Variants in DDX1 observed in about 807,000 individuals in gnomAD.
DDX1 encodes the protein DEAD-box helicase 1, also known as ATP-dependent RNA helicase DDX1.
In DDX1, 28 loss-of-function variants were observed where a neutral mutation model predicts 108.7. The ratio of observed to expected loss-of-function variants is 0.26; its 90% CI spans 0.19 to 0.35. The LOEUF (loss-of-function observed/expected upper bound fraction) is 0.35. Ranked by LOEUF, DDX1 falls within the 10% of genes least tolerant of loss-of-function variation. The pLI, the probability that DDX1 is intolerant of heterozygous loss-of-function variation, is 1.00. For synonymous variants in DDX1, 295 were observed against 288.9 expected (o/e 1.02, Z -0.21); for missense variants, 710 against 884.5 (o/e 0.80, Z 2.50).
rs1183072377 is a variant in DDX1, at chr2:15,623,678, T to G, written c.1594+96T>G. On this transcript the variant is annotated intron_variant, in intron 19 of 25. Coordinates refer to ENST00000233084, the MANE Select transcript of DDX1 (RefSeq NM_004939.3). ...GCAATCTAGAACACATGCACAGAAT[T>G]TAAAGCAGTTGATGGCATATTTTAA... 3 of 997,198 alleles carry G rather than the reference T, an allele frequency of 3.0e-6. No individual in the cohort carries two copies. The African/African-American group carries it at 4.8e-5, about 16-fold the overall frequency. 61.8% of individuals were successfully genotyped at this position (997,198 alleles called of 1,614,324 possible). A position where few individuals can be genotyped will look rare whatever the true frequency, so the allele number is the denominator to read the frequency against.
At position 15,606,143 on chromosome 2, in the gene DDX1, A is replaced by G. The variant is rs370952467; in HGVS notation, c.703-7A>G. The G allele has an allele frequency of 1.0e-5, 16 of 1,607,888 alleles. No homozygotes were observed. Among genetic ancestry groups the G allele is most frequent in the Admixed American group, 1.7e-5 (1 of 59,886 alleles). On this transcript the variant is annotated splice_polypyrimidine_tract_variant and splice_region_variant and intron_variant, in intron 11 of 25. Coordinates refer to ENST00000233084, the MANE Select transcript of DDX1 (RefSeq NM_004939.3). ...GAATTTTAATTTTCTGTTTTATTCA[A>G]TGCTAGAATGCTGAACTGAAATTTA... is the stretch of plus-strand genomic sequence containing the variant.
Position 15,629,688 on chromosome 2 carries a change from C to T in DDX1, c.1962C>T (p.Asn654=), listed in dbSNP as rs371305987. 12 of 1,568,168 alleles carry T rather than the reference C, an allele frequency of 7.7e-6. No individual in the cohort carries two copies. The African/African-American group carries it at 8.4e-5, about 11-fold the overall frequency. ...KEDGGCTIWY[N]EMQLLSEIEE... is the part of the protein sequence containing the mutation. ...ATGGAGGCTGTACCATATGGTACAACGAGATGCAGGTAAGACTTCGAGTTA... is the reference window on the plus strand; with the variant it reads ...ATGGAGGCTGTACCATATGGTACAATGAGATGCAGGTAAGACTTCGAGTTA... Residue 654 remains asparagine, a synonymous_variant, in exon 24 of 26, where the codon AAC becomes AAT. Transcript: ENST00000233084.
At position 15,591,932 on chromosome 2, in the gene DDX1, A is replaced by G; in HGVS notation, c.-2A>G. 1.4e-6 allele frequency: 2 copies of G among 1,449,168 alleles called. No individual in the cohort carries two copies. Among genetic ancestry groups the G allele is most frequent in the Non-Finnish European group, 1.8e-6 (2 of 1,100,674 alleles). 89.8% of individuals were successfully genotyped at this position (1,449,168 alleles called of 1,614,324 possible). ...GGCGAAGCCGCGGAGGACGGGGTGA[A>G]GATGGCGGCCTTCTCCGGTGCGTTT... On this transcript the variant is annotated 5_prime_UTR_variant, in exon 1 of 26. Transcript: ENST00000233084.
intron 21 of DDX1, 29 bp from the exon 22 acceptor site, chr2:15,628,609 C>A: frequency 8.1e-6 from 13 of 1,597,846 alleles, no homozygotes; most frequent in African/African-American, 1.3e-5. Flanking sequence ...AAACTACTGG[C>A]AATTGTTAAT....
At chr2:15,595,409 T>C in intron 2 of DDX1, 81 bp from the exon 3 acceptor site, 1 of 1,202,150 alleles carries the variant, frequency 8.3e-7, no homozygotes, top group Non-Finnish European at 1.2e-6. Context: ...AAATTTTCTT[T>C]TAGGCAAATT....
chr2:15,629,777 G>T, intron 24 of DDX1, 80 bp downstream of exon 24: 1 of 1,192,348 alleles, frequency 8.4e-7, no homozygotes, highest in Non-Finnish European at 1.2e-6. Flanking sequence ...ATTATATCTT[G>T]GCTTTTATCT....
At chr2:15,613,833 A>AT (rs61546961) in intron 14 of DDX1, among the ~76,000 whole-genome samples, 29,418 of 133,354 alleles carry the variant, frequency 0.22, 3,635 homozygotes, top group East Asian at 0.3. Context: ...AAGTTTAGGA[A>AT]TTTTTTTTTT....
Position 15,620,408 on chromosome 2 carries a change from A to G in DDX1, c.1395+12A>G, listed in dbSNP as rs1482505375. 4 of 1,598,182 alleles carry G rather than the reference A, an allele frequency of 2.5e-6. No homozygotes were observed. The Admixed American group carries it at 5.3e-5, about 21-fold the overall frequency. ...AGAGCCACATTAGAGTAAGTGGTTT[A>G]TAATATTAACATTTATGTAGAATAA... is the stretch of plus-strand genomic sequence containing the variant. On this transcript the variant is annotated intron_variant, in intron 17 of 25. Coordinates refer to ENST00000233084, the MANE Select transcript of DDX1 (RefSeq NM_004939.3).
chr2:15,601,009 T>A (rs1413523794), intron 6 of DDX1, among the ~76,000 whole-genome samples: 2 of 151,972 alleles, frequency 1.3e-5, no homozygotes, highest in African/African-American at 4.8e-5. Context: ...AAGTTCCTCA[T>A]CCCCTACCCT....
intron 14 of DDX1, among the ~76,000 whole-genome samples, chr2:15,616,841 TC>T (rs1665903179): frequency 6.6e-6 from 1 of 152,064 alleles, no homozygotes; most frequent in Admixed American, 6.6e-5. Flanking sequence ...GAGAAGGTAT[TC>T]CCCCAATTCA....
At chr2:15,593,845 G>A (rs62120724) in intron 1 of DDX1, among the ~76,000 whole-genome samples, 21,809 of 151,892 alleles carry the variant, frequency 0.14, 1,901 homozygotes, top group East Asian at 0.37. Context: ...GGGAGTCCAA[G>A]GTGGGCAGAT....
intron 9 of DDX1, among the ~76,000 whole-genome samples, chr2:15,604,092 T>C (rs1369084099): frequency 6.6e-6 from 1 of 152,240 alleles, no homozygotes; most frequent in Non-Finnish European, 1.5e-5. Context: ...ATTTTTCTTT[T>C]ATGCCATTTG....
At chr2:15,628,567 G>T (rs750196917) in intron 21 of DDX1, 50 bp downstream of exon 21, 110 of 1,597,586 alleles carry the variant, frequency 6.9e-5, no homozygotes, top group Admixed American at 4.2e-4. Context: ...GGAATCTAAA[G>T]TAAAGCCTTC....
chr2:15,625,976 A>G (rs1051061901), intron 19 of DDX1, among the ~76,000 whole-genome samples: 51 of 151,754 alleles, frequency 3.4e-4, no homozygotes, highest in African/African-American at 1.2e-3. Context: ...CTTCCTGTCT[A>G]TGTTTTGAAT....
At chr2:15,627,815 T>C (rs1292678173) in intron 20 of DDX1, among the ~76,000 whole-genome samples, 3 of 152,214 alleles carry the variant, frequency 2.0e-5, no homozygotes, top group Non-Finnish European at 4.4e-5. Flanking sequence ...TTGATGCAGA[T>C]GTGAAAACAC....
intron 18 of DDX1, among the ~76,000 whole-genome samples, chr2:15,621,753 A>G (rs1240988128): frequency 6.6e-6 from 1 of 151,888 alleles, no homozygotes; most frequent in Admixed American, 6.6e-5. Flanking sequence ...CCCAGGCTCA[A>G]GCAGTTCTCC....
At chr2:15,595,993 T>C (rs553115030) in intron 3 of DDX1, among the ~76,000 whole-genome samples, 1 of 152,192 alleles carries the variant, frequency 6.6e-6, no homozygotes, top group Admixed American at 6.5e-5. Context: ...CAAGCAATCT[T>C]CCTATTTCAG....
chr2:15,610,463 C>T (rs895555707), intron 13 of DDX1, among the ~76,000 whole-genome samples: 23 of 152,196 alleles, frequency 1.5e-4, no homozygotes, highest in African/African-American at 5.3e-4. Context: ...AGGGTTTTAA[C>T]TTCAGTCTTT....
At chr2:15,594,332 T>C (rs1226848960) in intron 1 of DDX1, among the ~76,000 whole-genome samples, 1 of 152,190 alleles carries the variant, frequency 6.6e-6, no homozygotes, top group Non-Finnish European at 1.5e-5. Context: ...TAAAGCTATA[T>C]TTTATAAATA....
Sources: allele counts gnomAD v4.1 joint callset (sites outside exome capture counted in the v4.1 genomes callset), GRCh38; gene constraint gnomAD v4.1.1; transcripts MANE v1.5; gene names NCBI Gene and HGNC (gene_info 2026-07-23, HGNC 2026-07-21).